Variants in SLIT3 observed in about 807,000 individuals in gnomAD.
SLIT3 encodes slit homolog 3 protein.
Under a neutral mutation model 184.0 loss-of-function variants are expected in SLIT3, and 68 were observed. That is an observed-to-expected ratio of 0.37 (90% CI 0.30 to 0.45). SLIT3 has a LOEUF of 0.45. SLIT3 is among the 20% of genes least tolerant of loss of function. The pLI, the probability that SLIT3 is intolerant of heterozygous loss-of-function variation, is 1.00. For missense variants in SLIT3, 1,707 were observed against 2,026.0 expected (o/e 0.84, Z 3.02); for synonymous variants, 831 against 828.6 (o/e 1.00, Z -0.05).
chr5:168,774,500 C>A (rs1581067368), intron 12 of SLIT3, 122 bp from the exon 13 acceptor site: 6 of 1,054,396 alleles, frequency 5.7e-6, no homozygotes, highest in Non-Finnish European at 6.9e-6. Flanking sequence ...CCTTGAGCTC[C>A]TGCTGCAGAA....
At chr5:169,290,169 GCTAGGGCATATGCTAGGGTGTGCA>G (rs1412537440) in intron 1 of SLIT3, among the ~76,000 whole-genome samples, 2 of 151,060 alleles carry the variant, frequency 1.3e-5, no homozygotes, top group African/African-American at 4.9e-5. Flanking sequence ...TAGGGCACAT[GCTAGGGCATATGCTAGGGTGTGCA>G]CTAGGACATA....
At chr5:168,671,754 G>GA (rs1334047898) in intron 33 of SLIT3, among the ~76,000 whole-genome samples, 2 of 152,252 alleles carry the variant, frequency 1.3e-5, no homozygotes, top group East Asian at 1.9e-4. Flanking sequence ...GACTTCCCTA[G>GA]AAAAAATGAG....
chr5:169,225,278 C>T (rs921461368), intron 3 of SLIT3, among the ~76,000 whole-genome samples: 3 of 152,184 alleles, frequency 2.0e-5, no homozygotes, highest in African/African-American at 7.2e-5. Flanking sequence ...TTACCACTCC[C>T]ACTGCAAGTG....
At chr5:168,922,475 A>G (rs1038319529) in intron 4 of SLIT3, among the ~76,000 whole-genome samples, 1 of 151,476 alleles carries the variant, frequency 6.6e-6, no homozygotes, top group African/African-American at 2.4e-5. Context: ...AAAAAAAAAA[A>G]AGAAGTGGAA....
intron 2 of SLIT3, among the ~76,000 whole-genome samples, chr5:169,246,619 T>C (rs1246521452): frequency 6.6e-6 from 1 of 152,132 alleles, no homozygotes; most frequent in Non-Finnish European, 1.5e-5. Flanking sequence ...TGCTATACAA[T>C]TAGAGGCTTA....
At chr5:168,866,055 C>G (rs1759288673) in intron 5 of SLIT3, among the ~76,000 whole-genome samples, 1 of 152,188 alleles carries the variant, frequency 6.6e-6, no homozygotes, top group South Asian at 2.1e-4. Context: ...CTTTGCATCT[C>G]TTTTTCAAGA....
At chr5:168,820,375 T>C (rs1270881789) in intron 7 of SLIT3, among the ~76,000 whole-genome samples, 4 of 152,190 alleles carry the variant, frequency 2.6e-5, no homozygotes, top group African/African-American at 7.2e-5. Flanking sequence ...CCGTGCTTTC[T>C]GACTTTGACT....
intron 5 of SLIT3, among the ~76,000 whole-genome samples, chr5:168,879,201 A>G (rs1038127383): frequency 6.6e-6 from 1 of 152,242 alleles, no homozygotes; most frequent in African/African-American, 2.4e-5. Flanking sequence ...ATATGCCAGC[A>G]GTTTATCTTC....
intron 1 of SLIT3, among the ~76,000 whole-genome samples, chr5:169,294,918 G>T: frequency 6.6e-6 from 1 of 152,098 alleles, no homozygotes; most frequent in East Asian, 1.9e-4. Context: ...ACATAGAAAA[G>T]GTACCATCAA....
chr5:169,224,268 G>T (rs1764718191), intron 3 of SLIT3, among the ~76,000 whole-genome samples: 1 of 152,070 alleles, frequency 6.6e-6, no homozygotes, highest in South Asian at 2.1e-4. Flanking sequence ...AAATTAGATG[G>T]CATATAGAAA....
At chr5:168,726,290 A>T (rs915799921) in intron 20 of SLIT3, among the ~76,000 whole-genome samples, 3 of 149,904 alleles carry the variant, frequency 2.0e-5, no homozygotes, top group African/African-American at 7.4e-5. Context: ...ATACTGGTGA[A>T]TAAGAGCCAT....
intron 4 of SLIT3, among the ~76,000 whole-genome samples, chr5:169,097,371 G>A (rs1161334727): frequency 1.3e-5 from 2 of 152,194 alleles, no homozygotes; most frequent in Non-Finnish European, 1.5e-5. Context: ...AAATGGGGAG[G>A]AGGAAAAGGG....
chr5:168,783,405 C>T (rs192907195), intron 12 of SLIT3, among the ~76,000 whole-genome samples: 6 of 151,554 alleles, frequency 4.0e-5, no homozygotes, highest in Non-Finnish European at 7.4e-5. Flanking sequence ...ATAGGATGGC[C>T]AAAAAGTCCA....
At chr5:169,291,519 C>T (rs1008479624) in intron 1 of SLIT3, among the ~76,000 whole-genome samples, 3 of 152,116 alleles carry the variant, frequency 2.0e-5, no homozygotes, top group Admixed American at 2.0e-4. Context: ...GTGACTGTAC[C>T]ACGTTCCCAT....
chr5:168,753,652 G>T (rs1309769132), intron 17 of SLIT3, among the ~76,000 whole-genome samples: 1 of 152,214 alleles, frequency 6.6e-6, no homozygotes, highest in Non-Finnish European at 1.5e-5. Context: ...TGTGGTGTGT[G>T]TGTGTGAGTG....
rs59573859 is a variant in SLIT3, at chr5:168,884,427, T to TCACACA, written c.414-1097_414-1092dup. Reference sequence around the variant, plus strand: ...TAAAAGGTGTCTCTCTCTCTCTCTCTCACACACACACACACACAGTGCTAT... The same window carrying TCACACA: ...TAAAAGGTGTCTCTCTCTCTCTCTCTCACACACACACACACACACACACAGTGCTAT... On this transcript the variant is annotated intron_variant, in intron 4 of 35. Transcript: ENST00000519560. 2.5e-3 allele frequency among the ~76,000 whole-genome samples: 368 copies of TCACACA among 144,324 alleles called. 3 individuals carry two copies. The highest frequency in any genetic ancestry group is 7.4e-3 in the African/African-American group (286 of 38,676). The allele number at this position is 144,324 out of a possible 152,430, so 94.7% of individuals were successfully genotyped here. A position where few individuals can be genotyped will look rare whatever the true frequency, so the allele number is the denominator to read the frequency against.
At chr5:169,194,233 C>CAAAAAAAA (rs10571842) in intron 3 of SLIT3, among the ~76,000 whole-genome samples, 22 of 61,386 alleles carry the variant, frequency 3.6e-4, no homozygotes, top group East Asian at 5.6e-4. Flanking sequence ...GACTCTGTCT[C>CAAAAAAAA]AAAAAAAAAA....
intron 6 of SLIT3, among the ~76,000 whole-genome samples, chr5:168,824,932 A>G (rs1476625413): frequency 6.6e-6 from 1 of 152,202 alleles, no homozygotes; most frequent in African/African-American, 2.4e-5. Context: ...CCTCTACATC[A>G]TACGTCTGCA....
intron 4 of SLIT3, among the ~76,000 whole-genome samples, chr5:169,001,723 A>G (rs1755708337): frequency 6.6e-6 from 1 of 152,218 alleles, no homozygotes; most frequent in Non-Finnish European, 1.5e-5. Context: ...CTTGTTTTTC[A>G]GTGATTAATC....
Sources: gnomAD v4.1 joint callset for allele counts (sites outside exome capture counted in the v4.1 genomes callset) on GRCh38, gnomAD v4.1.1 for gene constraint, MANE v1.5 for transcripts, NCBI Gene and HGNC (gene_info 2026-07-23, HGNC 2026-07-21) for gene names.